ENTHD1: variants seen among roughly 807,000 people sequenced by gnomAD.
ENTHD1 encodes ENTH domain containing 1.
ENTHD1 carries 23 observed loss-of-function variants against 39.1 expected under a neutral mutation model. The ratio of observed to expected loss-of-function variants is 0.59; its 90% CI spans 0.42 to 0.83. The LOEUF is 0.83. Among genes scored for constraint, ENTHD1 ranks in the 40% least tolerant of loss-of-function variants. The probability of loss-of-function intolerance (pLI) is 0.00; values close to 1 mark genes in which losing one functional copy is unlikely to be tolerated. For synonymous variants in ENTHD1, 230 were observed against 258.2 expected (o/e 0.89, Z 1.05); for missense variants, 624 against 705.4 (o/e 0.88, Z 1.31).
chr22:39,844,019 G>T (rs1312326609), intron 3 of ENTHD1, among the ~76,000 whole-genome samples: 1 of 152,154 alleles, frequency 6.6e-6, no homozygotes, highest in East Asian at 1.9e-4. Context: ...AAACACAGGA[G>T]ATGGAGTGTA....
intron 2 of ENTHD1, among the ~76,000 whole-genome samples, chr22:39,883,526 T>C (rs137948): frequency 0.27 from 41,005 of 151,728 alleles, 7,451 homozygotes; most frequent in African/African-American, 0.52. Flanking sequence ...GAAGCTTTCC[T>C]CCAAAGAGCA....
At chr22:39,752,354 A>C (rs931191191) in intron 6 of ENTHD1, among the ~76,000 whole-genome samples, 3 of 152,234 alleles carry the variant, frequency 2.0e-5, no homozygotes, top group African/African-American at 7.2e-5. Flanking sequence ...TGTTTAGAAT[A>C]GGCAAATACA....
chr22:39,785,347 A>G (rs1294371921), intron 5 of ENTHD1, among the ~76,000 whole-genome samples: 1 of 151,930 alleles, frequency 6.6e-6, no homozygotes, highest in East Asian at 1.9e-4. Context: ...CACCTCTGTG[A>G]TTTCACCCTG....
chr22:39,806,837 T>C (rs1423521937), intron 5 of ENTHD1, among the ~76,000 whole-genome samples: 1 of 152,126 alleles, frequency 6.6e-6, no homozygotes, highest in Non-Finnish European at 1.5e-5. Context: ...ATCCCAAGAA[T>C]GAGCAAGATT....
At position 39,866,502 on chromosome 22, in the gene ENTHD1, G is replaced by A. The variant is rs114809358; in HGVS notation, c.350-4495C>T. Among the ~76,000 whole-genome samples, 966 of 152,328 alleles carry A rather than the reference G, an allele frequency of 6.3e-3. 13 individuals carry two copies. The highest frequency in any genetic ancestry group is 0.021 in the African/African-American group (888 of 41,592). ...AGACTTTAATTTTGGGTGTGGTCAC[G>A]GAAAGTCTTGCAGAAGAGGTAACAT... On this transcript the variant is annotated intron_variant, in intron 2 of 6. Transcript: ENST00000325157.
intron 4 of ENTHD1, among the ~76,000 whole-genome samples, chr22:39,832,238 G>A (rs2065874951): frequency 6.6e-6 from 1 of 152,206 alleles, no homozygotes; most frequent in Non-Finnish European, 1.5e-5. Flanking sequence ...TTGCACCCAT[G>A]AGTTTGAGGT....
At chr22:39,774,536 G>A (rs2065352055) in intron 5 of ENTHD1, among the ~76,000 whole-genome samples, 1 of 152,046 alleles carries the variant, frequency 6.6e-6, no homozygotes, top group African/African-American at 2.4e-5. Flanking sequence ...TTGGAACTAT[G>A]GTTGTTACCA....
At chr22:39,832,815 C>T (rs746219372) in intron 4 of ENTHD1, among the ~76,000 whole-genome samples, 4 of 152,076 alleles carry the variant, frequency 2.6e-5, no homozygotes, top group Non-Finnish European at 4.4e-5. Context: ...GTAGGGGTGT[C>T]GGTGCTGGCT....
intron 3 of ENTHD1, among the ~76,000 whole-genome samples, chr22:39,837,249 G>C (rs540768214): frequency 2.0e-5 from 3 of 152,272 alleles, no homozygotes; most frequent in African/African-American, 7.2e-5. Flanking sequence ...GATATGTAAA[G>C]ATTTCCCAAG....
At chr22:39,886,732 T>C (rs1212235626) in intron 2 of ENTHD1, among the ~76,000 whole-genome samples, 1 of 152,182 alleles carries the variant, frequency 6.6e-6, no homozygotes, top group African/African-American at 2.4e-5. Context: ...CACTACTGAA[T>C]CATCTCAGGA....
chr22:39,812,017 A>AC (rs1555930046), intron 5 of ENTHD1, among the ~76,000 whole-genome samples: 2 of 120,938 alleles, frequency 1.7e-5, no homozygotes, highest in Non-Finnish European at 4.0e-5. Context: ...CAAACAAACA[A>AC]AAAAAAAACG....
chr22:39,769,611 G>A (rs1212175296), intron 5 of ENTHD1, among the ~76,000 whole-genome samples: 1 of 152,124 alleles, frequency 6.6e-6, no homozygotes, highest in Non-Finnish European at 1.5e-5. Context: ...AGAGATACAG[G>A]TACTTTCAGT....
At chr22:39,859,472 G>C (rs180726261) in intron 3 of ENTHD1, among the ~76,000 whole-genome samples, 1 of 152,308 alleles carries the variant, frequency 6.6e-6, no homozygotes, top group East Asian at 1.9e-4. Context: ...ATTAAAGTGA[G>C]AAACCTGCGA....
At chr22:39,824,201 CTTTT>C (rs71197195) in intron 4 of ENTHD1, among the ~76,000 whole-genome samples, 2 of 71,414 alleles carry the variant, frequency 2.8e-5, no homozygotes, top group Admixed American at 2.3e-4. Context: ...TTGTCCAGTT[CTTTT>C]TTTTTTTTTT....
intron 2 of ENTHD1, among the ~76,000 whole-genome samples, chr22:39,870,042 T>C (rs2066229267): frequency 6.6e-6 from 1 of 150,986 alleles, no homozygotes; most frequent in African/African-American, 2.4e-5. Context: ...ACAGTCTCAA[T>C]GTCTCAACCT....
chr22:39,806,218 A>T (rs1006235697), intron 5 of ENTHD1, among the ~76,000 whole-genome samples: 5 of 152,268 alleles, frequency 3.3e-5, no homozygotes, highest in African/African-American at 1.2e-4. Context: ...CAATGCCCAC[A>T]TGCATTCCCT....
At chr22:39,821,895 T>A (rs1162522682) in intron 4 of ENTHD1, among the ~76,000 whole-genome samples, 1 of 152,182 alleles carries the variant, frequency 6.6e-6, no homozygotes, top group Non-Finnish European at 1.5e-5. Context: ...CTAATCATAT[T>A]CATGAGGGCT....
intron 4 of ENTHD1, among the ~76,000 whole-genome samples, chr22:39,829,550 C>T (rs1412495351): frequency 6.6e-6 from 1 of 152,034 alleles, no homozygotes; most frequent in African/African-American, 2.4e-5. Context: ...TTTGGTAGGC[C>T]AAGGCGGGTG....
intron 5 of ENTHD1, among the ~76,000 whole-genome samples, chr22:39,802,228 A>G (rs2065604826): frequency 1.3e-5 from 2 of 152,264 alleles, no homozygotes; most frequent in Admixed American, 1.3e-4. Context: ...AGAGGAAAGT[A>G]TAACAGATTT....
Sources: allele counts gnomAD v4.1 joint callset (sites outside exome capture counted in the v4.1 genomes callset), GRCh38; gene constraint gnomAD v4.1.1; transcripts MANE v1.5; gene names NCBI Gene and HGNC (gene_info 2026-07-23, HGNC 2026-07-21).